CCDC91: variants seen among roughly 807,000 people sequenced by gnomAD.
CCDC91 encodes coiled-coil domain-containing protein 91.
A neutral mutation model predicts 63.2 loss-of-function variants in CCDC91; 48 were observed. That is an observed-to-expected ratio of 0.76 (90% confidence interval 0.60 to 0.97). The LOEUF (loss-of-function observed/expected upper bound fraction) is 0.97, where lower values mean the gene tolerates loss of function less well. CCDC91 is among the 50% of genes least tolerant of loss of function. The pLI is 0.00. For missense variants in CCDC91, 500 were observed against 494.6 expected (o/e 1.01, Z -0.10); for synonymous variants, 167 against 165.8 (o/e 1.01, Z -0.06).
chr12:28,441,119 A>G (rs528362910), intron 8 of CCDC91, among the ~76,000 whole-genome samples: 1 of 151,592 alleles, frequency 6.6e-6, no homozygotes, highest in East Asian at 1.9e-4. Flanking sequence ...AAATATAAGA[A>G]TGGCCAATAA....
intron 12 of CCDC91, among the ~76,000 whole-genome samples, chr12:28,488,757 T>C (rs1214273973): frequency 1.3e-5 from 2 of 151,874 alleles, no homozygotes; most frequent in Admixed American, 1.3e-4. Context: ...CCTAAAAAGA[T>C]TTAAAAATAT....
intron 9 of CCDC91, 38 bp downstream of exon 9, chr12:28,450,291 TG>T: frequency 6.3e-7 from 1 of 1,579,330 alleles, no homozygotes; most frequent in Non-Finnish European, 8.7e-7. Context: ...AGAAAGAATG[TG>T]TTCTGTTACC....
intron 7 of CCDC91, among the ~76,000 whole-genome samples, chr12:28,371,667 C>A (rs1944631076): frequency 6.6e-6 from 1 of 152,168 alleles, no homozygotes; most frequent in Non-Finnish European, 1.5e-5. Flanking sequence ...ATTACTGCTC[C>A]CTCCATACCA....
intron 3 of CCDC91, among the ~76,000 whole-genome samples, chr12:28,294,993 A>G (rs1949471677): frequency 6.6e-6 from 1 of 152,172 alleles, no homozygotes; most frequent in Non-Finnish European, 1.5e-5. Context: ...AAAACTATTC[A>G]TTGTCTACAT....
intron 12 of CCDC91, among the ~76,000 whole-genome samples, chr12:28,529,350 G>C (rs1941547605): frequency 6.6e-6 from 1 of 152,210 alleles, no homozygotes; most frequent in African/African-American, 2.4e-5. Flanking sequence ...TTTGAGCCAT[G>C]TCATGCATAA....
rs369844666 is a variant in CCDC91 at position 28,533,828 on chromosome 12, T to A, written c.1216-15235T>A. Among the ~76,000 whole-genome samples the A allele has an allele frequency of 1.2e-4, 18 of 151,888 alleles. No homozygotes were observed. The East Asian group carries it at 1.9e-3, about 16-fold the overall frequency. On this transcript the variant is annotated intron_variant, in intron 12 of 12. Transcript: ENST00000536442. ...TTTTTTTCAAGCATTATTTGAAAAG[T>A]GTTTCCATAGCCTTTCCACTAACTT... is the stretch of plus-strand genomic sequence containing the variant.
intron 11 of CCDC91, among the ~76,000 whole-genome samples, chr12:28,467,323 A>G (rs772001665): frequency 3.3e-5 from 5 of 152,088 alleles, no homozygotes; most frequent in Admixed American, 6.5e-5. Flanking sequence ...AGCTATGCTT[A>G]GACAAAATGG....
At chr12:28,523,188 A>C (rs1940902199) in intron 12 of CCDC91, among the ~76,000 whole-genome samples, 1 of 152,074 alleles carries the variant, frequency 6.6e-6, no homozygotes, top group Non-Finnish European at 1.5e-5. Context: ...AAAGTCTCCC[A>C]TTATTATTGT....
At chr12:28,414,900 C>G (rs919442789) in intron 8 of CCDC91, among the ~76,000 whole-genome samples, 1 of 152,104 alleles carries the variant, frequency 6.6e-6, no homozygotes, top group African/African-American at 2.4e-5. Flanking sequence ...AGGTGAATGC[C>G]TTAGAAACAA....
At chr12:28,232,719 A>G (rs1430305676) in intron 1 of CCDC91, among the ~76,000 whole-genome samples, 1 of 152,128 alleles carries the variant, frequency 6.6e-6, no homozygotes, top group East Asian at 1.9e-4. Flanking sequence ...AACTGTTATG[A>G]CTGAACGGTC....
At chr12:28,508,701 C>T (rs1023098595) in intron 12 of CCDC91, among the ~76,000 whole-genome samples, 5 of 151,830 alleles carry the variant, frequency 3.3e-5, no homozygotes, top group East Asian at 2.0e-4. Context: ...TGTTTCCTCT[C>T]GTGGAAGCAT....
intron 7 of CCDC91, among the ~76,000 whole-genome samples, chr12:28,365,722 C>T (rs1052408378): frequency 2.0e-5 from 3 of 152,134 alleles, no homozygotes; most frequent in African/African-American, 7.2e-5. Flanking sequence ...ATCTACATTC[C>T]ATGACTACAT....
intron 1 of CCDC91, among the ~76,000 whole-genome samples, chr12:28,194,936 C>G (rs1461132822): frequency 6.6e-6 from 1 of 152,188 alleles, no homozygotes; most frequent in African/African-American, 2.4e-5. Context: ...TGTTACAGCT[C>G]ATAAAGATAG....
chr12:28,285,262 T>C (rs1948844236), intron 3 of CCDC91, among the ~76,000 whole-genome samples: 1 of 152,170 alleles, frequency 6.6e-6, no homozygotes, highest in African/African-American at 2.4e-5. Context: ...TGAACAGTTA[T>C]TTTCTTGTTG....
chr12:28,357,791 C>CT (rs1049795430), intron 6 of CCDC91, among the ~76,000 whole-genome samples: 1 of 151,910 alleles, frequency 6.6e-6, no homozygotes, highest in Non-Finnish European at 1.5e-5. Context: ...CTTTTGAAGT[C>CT]TTTTTTTGCT....
At chr12:28,321,100 A>C (rs1242925193) in intron 6 of CCDC91, among the ~76,000 whole-genome samples, 2 of 151,884 alleles carry the variant, frequency 1.3e-5, no homozygotes, top group African/African-American at 4.8e-5. Flanking sequence ...GCTTATGTAT[A>C]GTAAATGCTA....
Position 28,225,402 on chromosome 12 carries a change from C to T in CCDC91, c.-14-31800C>T, listed in dbSNP as rs140569080. The stretch of plus-strand genomic sequence containing the variant: ...AGAAAAACATGCAAATAAGAACCTC[C>T]TGTATTGGCTGCTGTTGACTGCCTA... On this transcript the variant is annotated intron_variant, in intron 1 of 12. Coordinates refer to ENST00000536442, the MANE Select transcript of CCDC91 (RefSeq NM_018318.5). Among the ~76,000 whole-genome samples the T allele has an allele frequency of 2.6e-5, 4 of 151,902 alleles. No individual in the cohort carries two copies. The East Asian group carries it at 7.7e-4, about 29-fold the overall frequency.
intron 11 of CCDC91, among the ~76,000 whole-genome samples, chr12:28,473,930 G>A (rs1414200812): frequency 6.6e-6 from 1 of 151,692 alleles, no homozygotes; most frequent in Non-Finnish European, 1.5e-5. Context: ...ACTAACAAAT[G>A]ATCCACTCGG....
At chr12:28,483,542 A>G (rs1951556699) in intron 11 of CCDC91, among the ~76,000 whole-genome samples, 1 of 152,076 alleles carries the variant, frequency 6.6e-6, no homozygotes, top group African/African-American at 2.4e-5. Flanking sequence ...CACTGGGTGG[A>G]ATTTTTACCT....
Sources: gnomAD v4.1 joint callset for allele counts (sites outside exome capture counted in the v4.1 genomes callset) on GRCh38, gnomAD v4.1.1 for gene constraint, MANE v1.5 for transcripts, NCBI Gene and HGNC (gene_info 2026-07-23, HGNC 2026-07-21) for gene names.